LRRFIP1: variants seen among roughly 807,000 people sequenced by gnomAD.
LRRFIP1 encodes LRR binding FLII interacting protein 1, also known as leucine-rich repeat flightless-interacting protein 1.
A neutral mutation model predicts 104.4 loss-of-function variants in LRRFIP1; 62 were observed. The ratio of observed to expected loss-of-function variants is 0.59; its 90% CI spans 0.48 to 0.73. The LOEUF is 0.73. Among genes scored for constraint, LRRFIP1 ranks in the 30% least tolerant of loss-of-function variants. LRRFIP1 has a pLI of 0.00. For synonymous variants in LRRFIP1, 300 were observed against 299.0 expected (o/e 1.00, Z -0.03); for missense variants, 796 against 824.5 (o/e 0.97, Z 0.42).
intron 1 of LRRFIP1, among the ~76,000 whole-genome samples, chr2:237,666,799 C>T (rs116797308): frequency 2.8e-3 from 48 of 16,886 alleles, no homozygotes; most frequent in South Asian, 0.011. Flanking sequence ...TTCTCTTTCT[C>T]TTTCTTTCTC....
intron 1 of LRRFIP1, chr2:237,692,289 G>C (rs1421361171): frequency 1.1e-5 from 13 of 1,187,056 alleles, no homozygotes; most frequent in Non-Finnish European, 1.4e-5. Context: ...GCCGCGAGCC[G>C]CTCCCCGGCG....
At position 237,766,935 on chromosome 2, in the gene LRRFIP1, C is replaced by G. The variant is rs1006661838; in HGVS notation, c.1460-3008C>G. ...CCTATAATCCCAGCACGTGGGAGGC[C>G]GAGGCAGGCAGATCACTTAAGCCCA... On this transcript the variant is annotated intron_variant, in intron 19 of 23. Transcript: ENST00000308482. The surrounding 1 kb of genome is among the most constrained non-coding windows in gnomAD (Gnocchi z 4.8). Among the ~76,000 whole-genome samples the G allele has an allele frequency of 2.0e-5, 3 of 152,104 alleles. No individual in the cohort carries two copies. Among genetic ancestry groups the G allele is most frequent in the Admixed American group, 6.6e-5 (1 of 15,266 alleles).
intron 4 of LRRFIP1, 140 bp from the exon 5 acceptor site, chr2:237,719,383 T>C (rs1283332295): frequency 1.0e-5 from 6 of 594,736 alleles, no homozygotes; most frequent in Non-Finnish European, 3.0e-6. Context: ...AGCCTTTAAA[T>C]GAAGGCAAAG....
chr2:237,686,134 T>G (rs1029368270), intron 1 of LRRFIP1, among the ~76,000 whole-genome samples: 1 of 152,138 alleles, frequency 6.6e-6, no homozygotes, highest in Non-Finnish European at 1.5e-5. Flanking sequence ...GCATGCTGCC[T>G]GATTTTATCA....
At chr2:237,650,673 G>A (rs1282621877) in intron 1 of LRRFIP1, among the ~76,000 whole-genome samples, 1 of 152,238 alleles carries the variant, frequency 6.6e-6, no homozygotes, top group African/African-American at 2.4e-5. Context: ...GACCGCAGGA[G>A]AGAAGAATGT....
chr2:237,639,014 G>A (rs539379774), intron 1 of LRRFIP1, among the ~76,000 whole-genome samples: 16 of 152,264 alleles, frequency 1.1e-4, no homozygotes, highest in Middle Eastern at 3.4e-3. Flanking sequence ...TTTTTTATCC[G>A]AGAAAGAGGA....
intron 7 of LRRFIP1, 79 bp downstream of exon 7, chr2:237,723,665 T>C: frequency 6.4e-7 from 1 of 1,551,550 alleles, no homozygotes; most frequent in Non-Finnish European, 8.9e-7. Flanking sequence ...TTTCCACGAA[T>C]CTCATGGGTG....
At chr2:237,692,597 T>G (rs1319309850) in intron 1 of LRRFIP1, 3 of 1,404,946 alleles carry the variant, frequency 2.1e-6, no homozygotes, top group Non-Finnish European at 2.8e-6. Context: ...CGTTCCGAGG[T>G]CAATGGCAGG....
intron 8 of LRRFIP1, among the ~76,000 whole-genome samples, chr2:237,732,616 A>G (rs1434496552): frequency 4.6e-5 from 7 of 152,260 alleles, no homozygotes. Context: ...GTTAGAACCT[A>G]TATAGAAAAG....
intron 4 of LRRFIP1, 133 bp from the exon 5 acceptor site, chr2:237,719,390 A>T (rs1349848110): frequency 1.7e-6 from 1 of 605,142 alleles, no homozygotes; most frequent in East Asian, 3.0e-5. Context: ...AAATGAAGGC[A>T]AAGAAAATAT....
At chr2:237,721,391 C>T (rs1441760764) in intron 6 of LRRFIP1, 1 of 152,250 alleles carries the variant, frequency 6.6e-6, no homozygotes, top group Non-Finnish European at 1.5e-5. Context: ...TTAATCAACA[C>T]AAATATGGAC....
chr2:237,767,791 G>T (rs188616381), intron 19 of LRRFIP1, among the ~76,000 whole-genome samples: 1 of 152,228 alleles, frequency 6.6e-6, no homozygotes, highest in Non-Finnish European at 1.5e-5. Context: ...CCTGTACAGC[G>T]TACCACCCGT....
intron 1 of LRRFIP1, chr2:237,692,477 C>A: frequency 6.5e-7 from 1 of 1,532,654 alleles, no homozygotes; most frequent in South Asian, 1.2e-5. Context: ...CGCGGCCGCT[C>A]AAAGCCGGGA....
intron 1 of LRRFIP1, among the ~76,000 whole-genome samples, chr2:237,690,747 A>AG (rs1553638754): frequency 6.6e-5 from 10 of 151,698 alleles, no homozygotes; most frequent in South Asian, 2.1e-4. Flanking sequence ...AAAAAAAAAA[A>AG]AAAGAAAGAA....
At position 237,781,204 on chromosome 2, in the gene LRRFIP1, G is replaced by A. The variant is rs1448495984; in HGVS notation, c.*1672G>A. Among the ~76,000 whole-genome samples, 1 of 152,238 alleles carries A rather than the reference G, an allele frequency of 6.6e-6. No individual in the cohort carries two copies. The highest frequency in any genetic ancestry group is 1.5e-5 in the Non-Finnish European group (1 of 68,042). ...AACTGGGAAAATGTCTATGTCATGC[G>A]TGAATAACACCAGCAGCAAACACTC... On this transcript the variant is annotated 3_prime_UTR_variant, in exon 24 of 24. Coordinates refer to ENST00000308482, the MANE Select transcript of LRRFIP1 (RefSeq NM_001137550.2).
intron 8 of LRRFIP1, among the ~76,000 whole-genome samples, chr2:237,732,585 T>G (rs2095059129): frequency 6.6e-6 from 1 of 152,360 alleles, no homozygotes; most frequent in East Asian, 1.9e-4. Flanking sequence ...GTCAATCTTT[T>G]AGAAAAACCA....
At chr2:237,712,660 TGTGCATGTGC>T (rs1285692988) in intron 2 of LRRFIP1, among the ~76,000 whole-genome samples, 2 of 152,268 alleles carry the variant, frequency 1.3e-5, no homozygotes, top group Non-Finnish European at 2.9e-5. Flanking sequence ...TGTGCATGTG[TGTGCATGTGC>T]GCTCACACAC....
intron 13 of LRRFIP1, among the ~76,000 whole-genome samples, chr2:237,749,877 C>G (rs1411575097): frequency 6.6e-6 from 1 of 152,136 alleles, no homozygotes. Flanking sequence ...CAGTGCCAGG[C>G]ATTTGGTAGT....
In LRRFIP1 at chr2:237,774,128, G is replaced by A. The variant is rs1320764266; in HGVS notation, c.1708-230G>A. Reference sequence around the variant, plus strand: ...CACTGCAGAAACCACCCTGGTGGACGGGGTCAGAGGAAATGGGTCCCCATC... The same window carrying A: ...CACTGCAGAAACCACCCTGGTGGACAGGGTCAGAGGAAATGGGTCCCCATC... On this transcript the variant is annotated intron_variant, in intron 22 of 23. Coordinates refer to ENST00000308482, the MANE Select transcript of LRRFIP1 (RefSeq NM_001137550.2). The A allele has an allele frequency of 1.8e-5, 9 of 494,562 alleles. 1 individual carries two copies. Among genetic ancestry groups the A allele is most frequent in the Admixed American group, 6.7e-5 (2 of 29,814 alleles). The allele number at this position is 494,562 out of a possible 1,614,324, so 30.6% of individuals were successfully genotyped here.
Sources: allele counts gnomAD v4.1 joint callset (sites outside exome capture counted in the v4.1 genomes callset), GRCh38; gene constraint gnomAD v4.1.1; non-coding constraint Gnocchi (gnomAD v3.1); transcripts MANE v1.5; gene names NCBI Gene and HGNC (gene_info 2026-07-23, HGNC 2026-07-21).